The following INPP5A variants were observed in gnomAD, a reference collection of about 807,000 sequenced individuals.
The protein encoded by INPP5A is 43 kDa inositol polyphosphate 5-phophatase.
In INPP5A, 14 loss-of-function variants were observed where a neutral mutation model predicts 65.2. The observed-to-expected ratio is 0.21, with a 90% CI of 0.14 to 0.34. INPP5A has a LOEUF of 0.34. Ranked by LOEUF, INPP5A falls within the 10% of genes least tolerant of loss-of-function variation. The pLI is 1.00. For synonymous variants in INPP5A, 207 were observed against 208.3 expected (o/e 0.99, Z 0.05); for missense variants, 431 against 545.6 (o/e 0.79, Z 2.09).
At chr10:132,665,330 T>C (rs974125511) in intron 4 of INPP5A, among the ~76,000 whole-genome samples, 1 of 152,154 alleles carries the variant, frequency 6.6e-6, no homozygotes, top group Non-Finnish European at 1.5e-5. Context: ...TTCCTAGGAG[T>C]AAACGGATCC....
chr10:132,716,452 G>A (rs1322360938), intron 8 of INPP5A, among the ~76,000 whole-genome samples: 5 of 152,310 alleles, frequency 3.3e-5, no homozygotes, highest in South Asian at 2.1e-4. Context: ...TCCTGTGAAC[G>A]GAGTCTGCCG....
At position 132,650,430 on chromosome 10, in the gene INPP5A, G is replaced by C; in HGVS notation, c.231G>C (p.Ser77=). Residue 77 remains serine (S), a synonymous_variant, in exon 4 of 16, where the codon TCG becomes TCC. Coordinates refer to ENST00000368594, the MANE Select transcript of INPP5A (RefSeq NM_005539.5). This position sits in a 1 kb window ranked among gnomAD's most constrained non-coding sequence, Gnocchi z 5.5. ...HVDKFVKELL[S]SDAMKEYNRA... ...TTCTTCCTTCCAGAGAACTATTGTC[G>C]AGTGATGCGATGAAAGAATATAACA... is the stretch of plus-strand genomic sequence containing the variant. 2 of 1,613,226 alleles carry C rather than the reference G, an allele frequency of 1.2e-6. No individual in the cohort carries two copies. Among genetic ancestry groups the C allele is most frequent in the South Asian group, 1.1e-5 (1 of 91,056 alleles).
At chr10:132,748,578 G>C (rs1020184955) in intron 9 of INPP5A, among the ~76,000 whole-genome samples, 7 of 152,206 alleles carry the variant, frequency 4.6e-5, no homozygotes, top group Admixed American at 3.9e-4. Context: ...GACCCTCAGT[G>C]ACCATTCCCT....
At chr10:132,596,420 G>C (rs531103599) in intron 1 of INPP5A, among the ~76,000 whole-genome samples, 3 of 151,424 alleles carry the variant, frequency 2.0e-5, no homozygotes, top group Non-Finnish European at 2.9e-5. Context: ...GCGTGTGTGT[G>C]CATGTTTTGT....
intron 11 of INPP5A, among the ~76,000 whole-genome samples, chr10:132,757,727 G>T (rs554613774): frequency 1.3e-5 from 2 of 152,128 alleles, no homozygotes; most frequent in South Asian, 4.1e-4. Flanking sequence ...GCACCATGGC[G>T]TGGGTCCCCG....
intron 1 of INPP5A, among the ~76,000 whole-genome samples, chr10:132,601,314 G>A (rs2071774502): frequency 6.6e-6 from 1 of 152,130 alleles, no homozygotes; most frequent in South Asian, 2.1e-4. Context: ...TTAGAAAACT[G>A]TTTAAGTCCT....
intron 1 of INPP5A, among the ~76,000 whole-genome samples, chr10:132,570,730 T>G (rs1051287170): frequency 6.6e-6 from 1 of 152,166 alleles, no homozygotes; most frequent in Non-Finnish European, 1.5e-5. Flanking sequence ...ACTGAGCCAT[T>G]TGGAAGTGGT....
intron 4 of INPP5A, among the ~76,000 whole-genome samples, chr10:132,689,209 C>T (rs948446776): frequency 2.0e-5 from 3 of 152,214 alleles, no homozygotes; most frequent in Non-Finnish European, 2.9e-5. Flanking sequence ...AGGCCCTGTT[C>T]AGAATGCAGA....
intron 5 of INPP5A, among the ~76,000 whole-genome samples, chr10:132,693,152 T>C (rs1007626461): frequency 6.6e-6 from 1 of 152,160 alleles, no homozygotes; most frequent in African/African-American, 2.4e-5. Flanking sequence ...CTAAAAAGCT[T>C]TTTAAAAGAA....
chr10:132,637,063 G>A lies in INPP5A; in HGVS notation c.118-8805G>A, dbSNP rs12413765. On this transcript the variant is annotated intron_variant, in intron 2 of 15. Coordinates refer to ENST00000368594, the MANE Select transcript of INPP5A (RefSeq NM_005539.5). The surrounding 1 kb of genome is among the most constrained non-coding windows in gnomAD (Gnocchi z 4.1). Reference sequence around the variant, plus strand: ...CTCCCAAGTAGGTAGGACTACAAGCGTGCGCCACCAGGCCCAGCTAATTTT... The same window carrying A: ...CTCCCAAGTAGGTAGGACTACAAGCATGCGCCACCAGGCCCAGCTAATTTT... Among the ~76,000 whole-genome samples the A allele has an allele frequency of 0.16, 24,296 of 152,088 alleles. 2,338 individuals are homozygous for A. The highest frequency in any genetic ancestry group is 0.26 in the Admixed American group (4,017 of 15,276).
chr10:132,567,440 G>C (rs539760966), intron 1 of INPP5A, among the ~76,000 whole-genome samples: 1 of 152,158 alleles, frequency 6.6e-6, no homozygotes, highest in East Asian at 1.9e-4. Flanking sequence ...GCTGCTGGGC[G>C]CAGCCCCTTG....
At chr10:132,590,350 C>T (rs111556428) in intron 1 of INPP5A, among the ~76,000 whole-genome samples, 1 of 152,154 alleles carries the variant, frequency 6.6e-6, no homozygotes, top group African/African-American at 2.4e-5. Flanking sequence ...AGGGACAGTG[C>T]GGCCTCCATG....
At chr10:132,600,864 A>C (rs925943392) in intron 1 of INPP5A, among the ~76,000 whole-genome samples, 1 of 152,224 alleles carries the variant, frequency 6.6e-6, no homozygotes, top group African/African-American at 2.4e-5. Context: ...TATCACGAGA[A>C]TAGCATGGGA....
chr10:132,611,033 C>T (rs2133345331), intron 2 of INPP5A, among the ~76,000 whole-genome samples: 1 of 144,210 alleles, frequency 6.9e-6, no homozygotes, highest in Non-Finnish European at 1.5e-5. Flanking sequence ...AGAGGAGAGG[C>T]CCTGTCAGAG....
chr10:132,565,471 GGAACAGATCCAGGCC>G (rs2071260523), intron 1 of INPP5A, among the ~76,000 whole-genome samples: 1 of 152,218 alleles, frequency 6.6e-6, no homozygotes, highest in African/African-American at 2.4e-5. Context: ...TTTAGACAGT[GGAACAGATCCAGGCC>G]GAGGCATTAC....
intron 11 of INPP5A, 119 bp downstream of exon 11, chr10:132,749,964 C>T (rs1846444584): frequency 1.6e-5 from 14 of 900,436 alleles, no homozygotes; most frequent in Non-Finnish European, 2.5e-5. Flanking sequence ...CTCCAGGACT[C>T]AGTTCTGAGC....
chr10:132,665,568 G>A (rs1398602744), intron 4 of INPP5A, among the ~76,000 whole-genome samples: 8 of 141,980 alleles, frequency 5.6e-5, no homozygotes, highest in South Asian at 4.8e-4. Context: ...GCTGAGGCAG[G>A]TGAATTGCTT....
At chr10:132,544,718 T>G (rs2070948083) in intron 1 of INPP5A, among the ~76,000 whole-genome samples, 1 of 152,090 alleles carries the variant, frequency 6.6e-6, no homozygotes, top group African/African-American at 2.4e-5. Context: ...CTGGCAGTTC[T>G]CCGTTTGCCA....
At chr10:132,669,267 A>G (rs2072850073) in intron 4 of INPP5A, among the ~76,000 whole-genome samples, 1 of 152,086 alleles carries the variant, frequency 6.6e-6, no homozygotes, top group South Asian at 2.1e-4. Context: ...TAAACAAACA[A>G]ACAGCCGGTG....
Sources: gnomAD v4.1 joint callset for allele counts (sites outside exome capture counted in the v4.1 genomes callset) on GRCh38, gnomAD v4.1.1 for gene constraint, Gnocchi (gnomAD v3.1) non-coding constraint, MANE v1.5 for transcripts, NCBI Gene and HGNC (gene_info 2026-07-23, HGNC 2026-07-21) for gene names.